The following BANK1 variants were observed in gnomAD, a reference collection of about 807,000 sequenced individuals.
BANK1 encodes B-cell scaffold protein with ankyrin repeats.
Under a neutral mutation model 94.5 loss-of-function variants are expected in BANK1, and 95 were observed. That is an observed-to-expected ratio of 1.00 (90% CI 0.85 to 1.19). The LOEUF is 1.19. Among genes scored for constraint, BANK1 ranks in the 50% most tolerant of loss-of-function variants. The pLI is 0.00. For missense variants in BANK1, 987 were observed against 932.2 expected (o/e 1.06, Z -0.77); for synonymous variants, 334 against 308.4 (o/e 1.08, Z -0.87).
chr4:101,899,580 T>C (rs527352305), intron 6 of BANK1, among the ~76,000 whole-genome samples: 10 of 152,330 alleles, frequency 6.6e-5, no homozygotes, highest in Admixed American at 5.2e-4. Context: ...AATTATACTA[T>C]TGTTATTCAC....
rs145098846 is a variant in BANK1 at position 101,813,622 on chromosome 4, A to G, written c.71-16186A>G. On this transcript the variant is annotated intron_variant, in intron 1 of 16. Coordinates refer to ENST00000322953, the MANE Select transcript of BANK1 (RefSeq NM_017935.5). ...TCCTTGACCGCATTATGTAAAGACA[A>G]TGTCACTCTAGGAGAAATGTAGTCG... Among the ~76,000 whole-genome samples, 1,392 of 152,312 alleles carry G rather than the reference A, an allele frequency of 9.1e-3. 23 individuals carry two copies. Among genetic ancestry groups the G allele is most frequent in the African/African-American group, 0.031 (1,309 of 41,560 alleles).
At chr4:101,858,683 G>A (rs1727767634) in intron 3 of BANK1, among the ~76,000 whole-genome samples, 1 of 152,062 alleles carries the variant, frequency 6.6e-6, no homozygotes, top group Admixed American at 6.6e-5. Context: ...TGAAAAACCA[G>A]TTGAGTCACT....
At chr4:102,063,275 T>C (rs1728485456) in intron 13 of BANK1, 137 bp downstream of exon 13, 1 of 688,312 alleles carries the variant, frequency 1.5e-6, no homozygotes, top group South Asian at 2.3e-5. Flanking sequence ...AGGGTCTTAA[T>C]CTCTGGTAGT....
At chr4:102,029,113 C>A (rs979877963) in intron 9 of BANK1, among the ~76,000 whole-genome samples, 11 of 152,144 alleles carry the variant, frequency 7.2e-5, no homozygotes, top group Non-Finnish European at 1.6e-4. Flanking sequence ...AGGCTGCTCT[C>A]AAATTCCTGG....
At chr4:101,891,027 T>C (rs1463538046) in intron 5 of BANK1, among the ~76,000 whole-genome samples, 1 of 152,082 alleles carries the variant, frequency 6.6e-6, no homozygotes, top group Non-Finnish European at 1.5e-5. Context: ...TCTTTAACTG[T>C]CAAGTATGAG....
At chr4:102,061,298 T>A (rs532689858) in intron 12 of BANK1, 1 of 152,192 alleles carries the variant, frequency 6.6e-6, no homozygotes. Context: ...GCCAGGGGAC[T>A]TTCCCAGTAC....
chr4:101,848,674 A>G (rs779758473), intron 2 of BANK1, among the ~76,000 whole-genome samples: 3 of 152,258 alleles, frequency 2.0e-5, no homozygotes, highest in Non-Finnish European at 2.9e-5. Context: ...TAATTGCTTC[A>G]TGCTTTATTA....
intron 7 of BANK1, among the ~76,000 whole-genome samples, chr4:101,941,373 G>C (rs574861878): frequency 1.3e-5 from 2 of 151,748 alleles, no homozygotes; most frequent in Non-Finnish European, 2.9e-5. Flanking sequence ...TGCTAGAGGT[G>C]CTCACTGCTA....
chr4:101,813,753 T>C (rs566468553), intron 1 of BANK1: 63 of 364,688 alleles, frequency 1.7e-4, no homozygotes, highest in Middle Eastern at 1.3e-3. Flanking sequence ...ACTGTGAACA[T>C]AGGCCGCAGG....
intron 13 of BANK1, among the ~76,000 whole-genome samples, chr4:102,065,945 A>T (rs540135945): frequency 6.1e-4 from 93 of 152,242 alleles, no homozygotes; most frequent in African/African-American, 2.0e-3. Flanking sequence ...ATGCATTCTA[A>T]AATGCATGTA....
chr4:101,936,250 GAC>G lies in BANK1; in HGVS notation c.1206+18067_1206+18068del, dbSNP rs145059781. On this transcript the variant is annotated intron_variant, in intron 7 of 16. Transcript: ENST00000322953. ...ACATATATGATATGTATACATATAT[GAC>G]ACACATACATGTATGCATACATGTA... Among the ~76,000 whole-genome samples the G allele has an allele frequency of 5.6e-3, 742 of 132,190 alleles. 12 individuals are homozygous for G. In the East Asian group the frequency reaches 0.08, roughly 14 times the overall value. The allele number at this position is 132,190 out of a possible 152,430, so 86.7% of individuals were successfully genotyped here.
At chr4:101,948,878 T>A (rs145044101) in intron 7 of BANK1, among the ~76,000 whole-genome samples, 9 of 152,282 alleles carry the variant, frequency 5.9e-5, no homozygotes, top group African/African-American at 2.2e-4. Context: ...ATAGTAATAT[T>A]TGCCTTGCCT....
At chr4:102,005,000 C>G (rs986739305) in intron 7 of BANK1, among the ~76,000 whole-genome samples, 1 of 151,904 alleles carries the variant, frequency 6.6e-6, no homozygotes, top group Non-Finnish European at 1.5e-5. Context: ...AAAACACTAC[C>G]TAATAGCTAG....
At chr4:102,063,741 C>A (rs56712481) in intron 13 of BANK1, among the ~76,000 whole-genome samples, 80 of 150,306 alleles carry the variant, frequency 5.3e-4, no homozygotes, top group African/African-American at 1.8e-3. Flanking sequence ...AGAACCCCCC[C>A]GGAAGGCACA....
chr4:101,796,474 C>A (rs565487189), intron 1 of BANK1, among the ~76,000 whole-genome samples: 1 of 152,250 alleles, frequency 6.6e-6, no homozygotes, highest in African/African-American at 2.4e-5. Context: ...AGAATGAAAT[C>A]TGTTCCTTTC....
At chr4:101,969,802 C>T (rs1724894002) in intron 7 of BANK1, among the ~76,000 whole-genome samples, 1 of 152,024 alleles carries the variant, frequency 6.6e-6, no homozygotes, top group South Asian at 2.1e-4. Flanking sequence ...TCCCCCGCTC[C>T]ACACCAGCAA....
intron 5 of BANK1, among the ~76,000 whole-genome samples, chr4:101,873,407 C>T (rs1204819358): frequency 6.6e-6 from 1 of 152,062 alleles, no homozygotes; most frequent in Non-Finnish European, 1.5e-5. Context: ...CATGTAATAA[C>T]ATGAACATTG....
intron 1 of BANK1, among the ~76,000 whole-genome samples, chr4:101,821,375 T>A (rs373457460): frequency 5.9e-4 from 90 of 152,374 alleles, no homozygotes; most frequent in Non-Finnish European, 6.5e-4. Context: ...ATGCGTAGTT[T>A]GCAAAATTTT....
chr4:102,048,493 T>C (rs1727951964), intron 11 of BANK1, among the ~76,000 whole-genome samples: 1 of 152,146 alleles, frequency 6.6e-6, no homozygotes, highest in African/African-American at 2.4e-5. Flanking sequence ...TAATGAATAT[T>C]CTTCAAATAT....
Sources: allele counts gnomAD v4.1 joint callset (sites outside exome capture counted in the v4.1 genomes callset), GRCh38; gene constraint gnomAD v4.1.1; transcripts MANE v1.5; gene names NCBI Gene and HGNC (gene_info 2026-07-23, HGNC 2026-07-21).